SYT16: variants seen among roughly 807,000 people sequenced by gnomAD.
SYT16 encodes the protein synaptotagmin-16.
Under a neutral mutation model 61.4 loss-of-function variants are expected in SYT16, and 42 were observed. That is an observed-to-expected ratio of 0.68 (90% CI 0.53 to 0.89). The LOEUF is 0.89. Among genes scored for constraint, SYT16 ranks in the 40% least tolerant of loss-of-function variants. SYT16 has a pLI of 0.00. For synonymous variants in SYT16, 314 were observed against 302.3 expected (o/e 1.04, Z -0.40); for missense variants, 804 against 807.3 (o/e 1.00, Z 0.05).
At chr14:61,966,705 C>A (rs2051328460) in intron 1 of SYT16, among the ~76,000 whole-genome samples, 1 of 152,122 alleles carries the variant, frequency 6.6e-6, no homozygotes, top group African/African-American at 2.4e-5. Context: ...AATTTAATTT[C>A]ATTAATTAAT....
chr14:62,080,902 A>G lies in SYT16; in HGVS notation c.1062A>G (p.Leu354=), dbSNP rs1366595578. The change falls in exon 6 of 8, where the codon CTA becomes CTG. Residue 354 remains leucine (L), a synonymous_variant. Transcript: ENST00000683842. ...VSEPISKCGD[L]DVIFEYRAAS... is the part of the protein sequence containing the mutation. ...AGCCCATCTCAAAGTGTGGTGACCT[A>G]GATGTCATCTTTGAATATAGAGCCG... 6.2e-7 allele frequency: 1 copy of G among 1,605,366 alleles called. No homozygotes were observed. Among genetic ancestry groups the G allele is most frequent in the Non-Finnish European group, 8.5e-7 (1 of 1,175,820 alleles).
At chr14:62,017,704 C>T (rs1055778573) in intron 3 of SYT16, among the ~76,000 whole-genome samples, 6 of 151,950 alleles carry the variant, frequency 3.9e-5, no homozygotes, top group African/African-American at 1.4e-4. Flanking sequence ...CTTTAAGCAA[C>T]CATTATTCTC....
chr14:61,869,348 C>T lies in SYT16; in HGVS notation c.-325+56538C>T, dbSNP rs181973717. On this transcript the variant is annotated intron_variant, in intron 1 of 7. Coordinates refer to ENST00000683842, the MANE Select transcript of SYT16 (RefSeq NM_001367656.1). ...CTTTATTCTTTTTGCTTTGTTTCTA[C>T]CTTCTTTTGGATTAAATGAAAATTT... Among the ~76,000 whole-genome samples, 18 of 151,888 alleles carry T rather than the reference C, an allele frequency of 1.2e-4. 1 individual carries two copies. The East Asian group carries it at 3.5e-3, about 29-fold the overall frequency.
chr14:61,865,132 A>G, intron 1 of SYT16: 2 of 1,289,502 alleles, frequency 1.6e-6, no homozygotes, highest in Non-Finnish European at 2.3e-6. Flanking sequence ...GTGGCTCCTC[A>G]GCCACCGATA....
chr14:61,900,452 C>G (rs1212984584), intron 1 of SYT16, among the ~76,000 whole-genome samples: 1 of 152,188 alleles, frequency 6.6e-6, no homozygotes, highest in Non-Finnish European at 1.5e-5. Flanking sequence ...GCTACTGTGC[C>G]TGGCCGCTAT....
chr14:61,986,167 T>C (rs755615893), intron 2 of SYT16, among the ~76,000 whole-genome samples: 28 of 152,052 alleles, frequency 1.8e-4, no homozygotes, highest in Non-Finnish European at 2.9e-4. Context: ...GAAAAAAAAA[T>C]AAAAGTAATT....
At chr14:61,867,890 C>A (rs544266921) in intron 1 of SYT16, among the ~76,000 whole-genome samples, 2 of 152,056 alleles carry the variant, frequency 1.3e-5, no homozygotes, top group East Asian at 3.9e-4. Context: ...TGAATTTTGC[C>A]AAGTGCTTTT....
At chr14:61,872,000 T>C (rs190115669) in intron 1 of SYT16, among the ~76,000 whole-genome samples, 31 of 152,328 alleles carry the variant, frequency 2.0e-4, no homozygotes, top group Admixed American at 1.6e-3. Context: ...AATGTGTGGG[T>C]AATTGTACCT....
intron 1 of SYT16, among the ~76,000 whole-genome samples, chr14:61,829,811 C>A (rs1030764353): frequency 2.0e-5 from 3 of 152,060 alleles, no homozygotes; most frequent in South Asian, 2.1e-4. Flanking sequence ...CCAGCCACCA[C>A]GCCCAGCTAA....
intron 1 of SYT16, among the ~76,000 whole-genome samples, chr14:61,888,343 C>T (rs893482939): frequency 6.6e-6 from 1 of 152,078 alleles, no homozygotes; most frequent in African/African-American, 2.4e-5. Context: ...GTCTCAAACT[C>T]CTGATCTCAA....
intron 1 of SYT16, among the ~76,000 whole-genome samples, chr14:61,952,526 T>C: frequency 6.6e-6 from 1 of 152,258 alleles, no homozygotes; most frequent in East Asian, 1.9e-4. Context: ...TGTATGTGTC[T>C]GTGTGTGTTA....
chr14:61,932,370 A>G (rs1165926288), intron 1 of SYT16, among the ~76,000 whole-genome samples: 2 of 152,238 alleles, frequency 1.3e-5, no homozygotes, highest in Non-Finnish European at 2.9e-5. Flanking sequence ...AGTAGTTTAT[A>G]AAGAAAAGAG....
At chr14:61,954,199 T>G (rs746454002) in intron 1 of SYT16, among the ~76,000 whole-genome samples, 2 of 152,224 alleles carry the variant, frequency 1.3e-5, no homozygotes, top group Non-Finnish European at 2.9e-5. Context: ...CATATTGTTT[T>G]TGCTCAGTTA....
intron 3 of SYT16, among the ~76,000 whole-genome samples, chr14:62,006,317 A>C (rs907772304): frequency 3.3e-5 from 5 of 152,134 alleles, no homozygotes; most frequent in African/African-American, 4.8e-5. Flanking sequence ...CAGTCTGTTG[A>C]AGAGCAGTAT....
intron 3 of SYT16, among the ~76,000 whole-genome samples, chr14:62,057,309 A>G (rs1337021770): frequency 6.6e-6 from 1 of 152,218 alleles, no homozygotes; most frequent in Middle Eastern, 3.2e-3. Context: ...TCTCATAGGC[A>G]TAAATATAGT....
Position 62,081,018 on chromosome 14 carries a change from T to C in SYT16, c.1178T>C (p.Val393Ala). 1 of 1,613,386 alleles carries C rather than the reference T, an allele frequency of 6.2e-7. No homozygotes were observed. Among genetic ancestry groups the C allele is most frequent in the Admixed American group, 1.7e-5 (1 of 59,924 alleles). Residue 393 changes from valine (V) to alanine (A), a missense_variant, in exon 6 of 8, where the codon GTG (valine) becomes GCG (alanine). Coordinates refer to ENST00000683842, the MANE Select transcript of SYT16 (RefSeq NM_001367656.1). ...GTCAACTCCTGGCAAGTTCATGTAG[T>C]GCTGCTGCCTGGTAAGAAACACAGG... ...SGVNSWQVHV[V>A]LLPGKKHRGR...
intron 1 of SYT16, among the ~76,000 whole-genome samples, chr14:61,828,903 A>G (rs1335011246): frequency 6.6e-6 from 1 of 152,204 alleles, no homozygotes; most frequent in African/African-American, 2.4e-5. Context: ...CATGTGCACA[A>G]TCATGGAAAT....
rs1274079054 is a variant in SYT16, at chr14:62,105,115, A to G, written c.*4408A>G. The G allele has an allele frequency of 6.6e-6, 1 of 152,172 alleles. No homozygotes were observed. The highest frequency in any genetic ancestry group is 1.5e-5 in the Non-Finnish European group (1 of 68,030). The allele number at this position is 152,172 out of a possible 1,614,324, so 9.4% of individuals were successfully genotyped here. On this transcript the variant is annotated 3_prime_UTR_variant, in exon 8 of 8. Coordinates refer to ENST00000683842, the MANE Select transcript of SYT16 (RefSeq NM_001367656.1). ...AATCAGAGATAAGCCTGGTATGTGG[A>G]GGAAATTGAGCCTTAATAGAGTCCA...
chr14:61,845,884 T>C (rs2046433861), intron 1 of SYT16, among the ~76,000 whole-genome samples: 1 of 152,182 alleles, frequency 6.6e-6, no homozygotes, highest in Non-Finnish European at 1.5e-5. Flanking sequence ...GTTTCCATTA[T>C]CATTTGTTTC....
Sources: gnomAD v4.1 joint callset for allele counts (sites outside exome capture counted in the v4.1 genomes callset) on GRCh38, gnomAD v4.1.1 for gene constraint, MANE v1.5 for transcripts, NCBI Gene and HGNC (gene_info 2026-07-23, HGNC 2026-07-21) for gene names.